The following BEND6 variants were observed in gnomAD, a reference collection of about 807,000 sequenced individuals.
BEND6 encodes BEN domain containing 6.
In BEND6, 24 loss-of-function variants were observed where a neutral mutation model predicts 31.8. That is an observed-to-expected ratio of 0.75 (90% CI 0.55 to 1.06). BEND6 has a LOEUF of 1.06. BEND6 is among the 50% of genes least tolerant of loss of function. The pLI is 0.00. For missense variants in BEND6, 294 were observed against 327.4 expected (o/e 0.90, Z 0.79); for synonymous variants, 109 against 114.6 (o/e 0.95, Z 0.31).
chr6:57,013,484 G>A (rs755456433), intron 3 of BEND6, among the ~76,000 whole-genome samples: 5 of 152,118 alleles, frequency 3.3e-5, no homozygotes, highest in Admixed American at 1.3e-4. Flanking sequence ...ATGATTGATC[G>A]GTTGATTGAC....
At chr6:56,978,033 A>C (rs192545180) in intron 1 of BEND6, among the ~76,000 whole-genome samples, 3 of 152,014 alleles carry the variant, frequency 2.0e-5, no homozygotes, top group African/African-American at 7.2e-5. Context: ...GGGAGGCCAA[A>C]GCAGAAGGAT....
intron 3 of BEND6, among the ~76,000 whole-genome samples, chr6:57,003,686 C>T (rs1376321733): frequency 6.6e-6 from 1 of 152,122 alleles, no homozygotes; most frequent in Non-Finnish European, 1.5e-5. Context: ...TCCACAAAGC[C>T]AGCATCACTC....
At chr6:56,987,232 C>T (rs560548479) in intron 2 of BEND6, among the ~76,000 whole-genome samples, 8 of 152,146 alleles carry the variant, frequency 5.3e-5, no homozygotes, top group East Asian at 1.9e-4. Flanking sequence ...TGCCCACCTC[C>T]GCCTCCCAAA....
At chr6:57,002,052 G>A (rs77622215) in intron 3 of BEND6, among the ~76,000 whole-genome samples, 4,161 of 152,242 alleles carry the variant, frequency 0.027, 181 homozygotes, top group African/African-American at 0.093. Flanking sequence ...AAGAGCAGGG[G>A]TCGTGATTCT....
chr6:56,960,276 A>G (rs2127836911), intron 1 of BEND6, among the ~76,000 whole-genome samples: 1 of 150,048 alleles, frequency 6.7e-6, no homozygotes, highest in Middle Eastern at 3.4e-3. Flanking sequence ...GTTCATTATT[A>G]TTCCGATGGT....
chr6:56,998,720 T>A (rs199812737), intron 3 of BEND6, among the ~76,000 whole-genome samples: 13 of 130,430 alleles, frequency 1.0e-4, no homozygotes, highest in South Asian at 2.5e-4. Context: ...GATTTTTTTT[T>A]AATAAGACCC....
At chr6:56,979,509 A>C (rs1825997767) in intron 1 of BEND6, among the ~76,000 whole-genome samples, 1 of 152,196 alleles carries the variant, frequency 6.6e-6, no homozygotes, top group South Asian at 2.1e-4. Flanking sequence ...TATCAATGTA[A>C]AAGACATTTT....
chr6:56,976,045 C>T (rs139769850), intron 1 of BEND6: 124 of 435,630 alleles, frequency 2.8e-4, no homozygotes, highest in African/African-American at 2.0e-3. Flanking sequence ...AAGAACAGGA[C>T]ACGATACAAA....
At chr6:56,964,955 T>C (rs1309612938) in intron 1 of BEND6, among the ~76,000 whole-genome samples, 1 of 152,218 alleles carries the variant, frequency 6.6e-6, no homozygotes, top group Admixed American at 6.5e-5. Context: ...TGATCAACAC[T>C]TGCATTCTCC....
chr6:56,987,243 G>A (rs4715643), intron 2 of BEND6, among the ~76,000 whole-genome samples: 38,605 of 151,898 alleles, frequency 0.25, 5,998 homozygotes, highest in East Asian at 0.46. Context: ...GCCTCCCAAA[G>A]TACTGGGATT....
intron 1 of BEND6, among the ~76,000 whole-genome samples, chr6:56,964,813 A>G (rs1239482077): frequency 6.6e-6 from 1 of 152,166 alleles, no homozygotes; most frequent in Non-Finnish European, 1.5e-5. Flanking sequence ...AGTCTTTGAC[A>G]CTTCTGAACC....
rs567142577 is a variant in BEND6 at position 56,981,475 on chromosome 6, A to G, written c.-100-236A>G. Among the ~76,000 whole-genome samples the G allele has an allele frequency of 7.2e-4, 110 of 152,230 alleles. 1 individual carries two copies. Among genetic ancestry groups the G allele is most frequent in the Non-Finnish European group, 1.1e-3 (73 of 68,034 alleles). ...AAAAAACTTATGAAAAAGTGTTACA[A>G]TATTTGATTTTGTAAATTACAACTC... On this transcript the variant is annotated intron_variant, in intron 1 of 6. Transcript: ENST00000370746.
intron 3 of BEND6, among the ~76,000 whole-genome samples, chr6:56,993,163 A>G (rs546771002): frequency 3.3e-5 from 5 of 152,300 alleles, no homozygotes; most frequent in African/African-American, 1.2e-4. Context: ...CAAATTAAAA[A>G]CTACTTGGCT....
chr6:56,999,159 C>T (rs974368259), intron 3 of BEND6, among the ~76,000 whole-genome samples: 8 of 152,106 alleles, frequency 5.3e-5, no homozygotes, highest in Non-Finnish European at 7.4e-5. Flanking sequence ...GGACTCTCTC[C>T]ACTCCATGCC....
chr6:57,017,753 A>T (rs1377220792), intron 5 of BEND6, among the ~76,000 whole-genome samples: 2 of 152,188 alleles, frequency 1.3e-5, no homozygotes, highest in Admixed American at 1.3e-4. Flanking sequence ...ATAAAGGCTA[A>T]TTTGACCATC....
At chr6:56,992,341 A>G in intron 2 of BEND6, 37 bp from the exon 3 acceptor site, 19 of 1,557,426 alleles carry the variant, frequency 1.2e-5, no homozygotes, top group Non-Finnish European at 1.6e-5. Flanking sequence ...TAAAGATGCT[A>G]TGAGGCTTCT....
rs1825294711 is a variant in BEND6 at position 56,961,776 on chromosome 6, C to G, written c.-101+6316C>G. 2.0e-5 allele frequency among the ~76,000 whole-genome samples: 3 copies of G among 152,194 alleles called. No individual in the cohort carries two copies. In the South Asian group the frequency reaches 6.2e-4, roughly 31 times the overall value. Reference sequence around the variant, plus strand: ...GCCACCACTCTTCCTAAATCCTTCCCCAAGCCCACATTCAACAGTCTACTG... The same window carrying G: ...GCCACCACTCTTCCTAAATCCTTCCGCAAGCCCACATTCAACAGTCTACTG... On this transcript the variant is annotated intron_variant, in intron 1 of 6. Coordinates refer to ENST00000370746, the MANE Select transcript of BEND6 (RefSeq NM_152731.3).
At chr6:57,001,608 G>C (rs1826948449) in intron 3 of BEND6, among the ~76,000 whole-genome samples, 1 of 152,208 alleles carries the variant, frequency 6.6e-6, no homozygotes. Context: ...AAAACAAGAA[G>C]TTCCAACCAA....
intron 3 of BEND6, among the ~76,000 whole-genome samples, chr6:56,998,823 C>G (rs564786017): frequency 6.6e-6 from 1 of 150,916 alleles, no homozygotes; most frequent in African/African-American, 2.4e-5. Context: ...TTCTACACAA[C>G]AAAGGAAACA....
Sources: gnomAD v4.1 joint callset for allele counts (sites outside exome capture counted in the v4.1 genomes callset) on GRCh38, gnomAD v4.1.1 for gene constraint, MANE v1.5 for transcripts, NCBI Gene and HGNC (gene_info 2026-07-23, HGNC 2026-07-21) for gene names.